Variants in GRAMD1B observed in about 807,000 individuals in gnomAD.
GRAMD1B encodes the protein GRAM domain containing 1B.
Under a neutral mutation model 99.7 loss-of-function variants are expected in GRAMD1B, and 37 were observed. The observed-to-expected ratio is 0.37, with a 90% CI of 0.29 to 0.49. GRAMD1B has a LOEUF of 0.49. Among genes scored for constraint, GRAMD1B ranks in the 20% least tolerant of loss-of-function variants. The pLI is 0.98. For synonymous variants in GRAMD1B, 427 were observed against 387.6 expected (o/e 1.10, Z -1.19); for missense variants, 888 against 1,009.2 (o/e 0.88, Z 1.63).
intron 1 of GRAMD1B, among the ~76,000 whole-genome samples, chr11:123,455,214 C>G (rs935855230): frequency 5.9e-5 from 9 of 152,086 alleles, no homozygotes; most frequent in African/African-American, 2.2e-4. Flanking sequence ...ATCTTTGTGT[C>G]TATTATGACT....
intron 1 of GRAMD1B, among the ~76,000 whole-genome samples, chr11:123,382,093 T>C (rs1273755232): frequency 1.3e-5 from 2 of 152,078 alleles, no homozygotes; most frequent in African/African-American, 4.8e-5. Flanking sequence ...ATGAATGATA[T>C]CAGTAGAAAA....
chr11:123,579,783 C>T (rs574408304), intron 3 of GRAMD1B, among the ~76,000 whole-genome samples: 1 of 152,142 alleles, frequency 6.6e-6, no homozygotes, highest in Non-Finnish European at 1.5e-5. Context: ...TCTGTAAGCT[C>T]CGAGGTAGGA....
chr11:123,538,399 T>G (rs1435397528), intron 2 of GRAMD1B, among the ~76,000 whole-genome samples: 1 of 152,108 alleles, frequency 6.6e-6, no homozygotes, highest in Non-Finnish European at 1.5e-5. Context: ...AACAGCTTCA[T>G]TTTGATATAA....
chr11:123,505,021 G>GT (rs1478744644), intron 2 of GRAMD1B, among the ~76,000 whole-genome samples: 2 of 151,944 alleles, frequency 1.3e-5, no homozygotes, highest in Non-Finnish European at 2.9e-5. Context: ...TTATTTCCAT[G>GT]TAGACTCTTA....
intron 1 of GRAMD1B, among the ~76,000 whole-genome samples, chr11:123,443,541 A>C (rs769127541): frequency 1.4e-4 from 21 of 150,880 alleles, no homozygotes; most frequent in Admixed American, 4.0e-4. Flanking sequence ...GTTACAGGTC[A>C]TTGGTGGATT....
chr11:123,613,283 G>A, intron 15 of GRAMD1B, 172 bp from the exon 16 acceptor site: 2 of 601,386 alleles, frequency 3.3e-6, no homozygotes, highest in Middle Eastern at 4.4e-4. Context: ...CCAGAGGAAG[G>A]GTTTGACTGG....
intron 1 of GRAMD1B, among the ~76,000 whole-genome samples, chr11:123,421,543 T>A (rs1210299196): frequency 6.6e-6 from 1 of 152,228 alleles, no homozygotes; most frequent in African/African-American, 2.4e-5. Context: ...TCTATGAACC[T>A]GAGTGAGATA....
At chr11:123,432,542 T>G (rs1948946591) in intron 1 of GRAMD1B, among the ~76,000 whole-genome samples, 1 of 129,240 alleles carries the variant, frequency 7.7e-6, no homozygotes, top group African/African-American at 3.0e-5. Flanking sequence ...GGCCACAGAG[T>G]GAGACTCTGT....
chr11:123,584,478 G>C (rs371807904), intron 4 of GRAMD1B, 146 bp downstream of exon 4: 1 of 90,996 alleles, frequency 1.1e-5, no homozygotes, highest in Non-Finnish European at 2.4e-5. Context: ...AGCTGCAGCG[G>C]TTATTTTCTT....
chr11:123,505,911 C>A (rs1443492882), intron 2 of GRAMD1B, among the ~76,000 whole-genome samples: 5 of 152,196 alleles, frequency 3.3e-5, no homozygotes, highest in Non-Finnish European at 5.9e-5. Flanking sequence ...CAGGGAGCGT[C>A]TACATCTAGT....
At chr11:123,621,098 A>G in intron 19 of GRAMD1B, among the ~76,000 whole-genome samples, 1 of 152,272 alleles carries the variant, frequency 6.6e-6, no homozygotes, top group East Asian at 1.9e-4. Flanking sequence ...AATCCCTTTA[A>G]AAGTAACTTT....
chr11:123,479,568 G>A (rs568753827), intron 1 of GRAMD1B, among the ~76,000 whole-genome samples: 1 of 152,280 alleles, frequency 6.6e-6, no homozygotes, highest in Admixed American at 6.5e-5. Context: ...CCTATGTGAA[G>A]CAGGGGTTGG....
chr11:123,538,244 C>A (rs1054003494), intron 2 of GRAMD1B, among the ~76,000 whole-genome samples: 1 of 152,102 alleles, frequency 6.6e-6, no homozygotes, highest in South Asian at 2.1e-4. Context: ...TTCTTCCTCA[C>A]TCTCCATGTG....
chr11:123,443,628 C>T (rs754252231), intron 1 of GRAMD1B, among the ~76,000 whole-genome samples: 5 of 151,702 alleles, frequency 3.3e-5, no homozygotes, highest in African/African-American at 4.8e-5. Context: ...TGCAGTGGCA[C>T]GATCTCACTC....
intron 1 of GRAMD1B, among the ~76,000 whole-genome samples, chr11:123,365,989 G>C (rs1946307568): frequency 6.6e-6 from 1 of 152,138 alleles, no homozygotes; most frequent in Non-Finnish European, 1.5e-5. Flanking sequence ...ATTTGAGGGG[G>C]ACCACCACTT....
At chr11:123,568,861 C>T (rs191966279) in intron 2 of GRAMD1B, among the ~76,000 whole-genome samples, 463 of 152,266 alleles carry the variant, frequency 3.0e-3, no homozygotes, top group African/African-American at 9.2e-3. Context: ...GAACTGGACC[C>T]GGTGGCAGTT....
chr11:123,445,655 C>T (rs961107083), intron 1 of GRAMD1B, among the ~76,000 whole-genome samples: 2 of 151,710 alleles, frequency 1.3e-5, no homozygotes, highest in African/African-American at 4.8e-5. Flanking sequence ...CTCTCTACCA[C>T]AAAATACAAA....
chr11:123,501,715 C>A (rs1297077246), intron 2 of GRAMD1B, among the ~76,000 whole-genome samples: 1 of 152,186 alleles, frequency 6.6e-6, no homozygotes, highest in East Asian at 1.9e-4. Context: ...AGAATAGAGA[C>A]CCCAATGCTT....
Position 123,524,992 on chromosome 11 carries a change from A to G in GRAMD1B, c.452+44099A>G, listed in dbSNP as rs538092992. 1.4e-3 allele frequency among the ~76,000 whole-genome samples: 206 copies of G among 152,170 alleles called. 2 individuals are homozygous for G. The highest frequency in any genetic ancestry group is 2.2e-3 in the Non-Finnish European group (153 of 68,016). On this transcript the variant is annotated intron_variant, in intron 2 of 19. Transcript: ENST00000635736. ...TAGGAGGAGCCTCTTCCCCATTCTCAGTGAATTGTTACTTTCCAGCTAGAG... is the reference window on the plus strand; with the variant it reads ...TAGGAGGAGCCTCTTCCCCATTCTCGGTGAATTGTTACTTTCCAGCTAGAG...
Sources: allele counts gnomAD v4.1 joint callset (sites outside exome capture counted in the v4.1 genomes callset), GRCh38; gene constraint gnomAD v4.1.1; transcripts MANE v1.5; gene names NCBI Gene and HGNC (gene_info 2026-07-23, HGNC 2026-07-21).